The following CRPPA variants were observed in gnomAD, a reference collection of about 807,000 sequenced individuals.
CRPPA encodes the protein D-ribitol-5-phosphate cytidylyltransferase.
CRPPA carries 43 observed loss-of-function variants against 52.0 expected under a neutral mutation model. The observed-to-expected ratio is 0.83, with a 90% CI of 0.65 to 1.07. CRPPA has a LOEUF of 1.07. CRPPA is among the 50% of genes least tolerant of loss of function. The pLI, the probability that CRPPA is intolerant of heterozygous loss-of-function variation, is 0.00. For missense variants in CRPPA, 629 were observed against 551.7 expected (o/e 1.14, Z -1.40); for synonymous variants, 250 against 203.5 (o/e 1.23, Z -1.94).
In CRPPA at chr7:16,421,256, C is replaced by T; in HGVS notation, c.67G>A (p.Gly23Ser). 2 of 1,314,636 alleles carry T rather than the reference C, an allele frequency of 1.5e-6. No individual in the cohort carries two copies. The highest frequency in any genetic ancestry group is 2.0e-6 in the Non-Finnish European group (2 of 1,025,164). The allele number at this position is 1,314,636 out of a possible 1,614,324, so 81.4% of individuals were successfully genotyped here. A position where few individuals can be genotyped will look rare whatever the true frequency, so the allele number is the denominator to read the frequency against. ...EPGPCLSGQR[G>S]ADHTASASLQ... is the part of the protein sequence containing the mutation. Reference sequence around the variant, plus strand: ...GAGGCGGAAGCCGTGTGGTCCGCGCCGCGCTGACCACTCAGGCAAGGACCC... The same window carrying T: ...GAGGCGGAAGCCGTGTGGTCCGCGCTGCGCTGACCACTCAGGCAAGGACCC... The change falls in exon 1 of 10, where the codon GGC becomes AGC. Residue 23 changes from glycine (G) to serine (S), a missense_variant. By Grantham distance (56) the Gly-to-Ser change is moderately conservative. Coordinates refer to ENST00000407010, the MANE Select transcript of CRPPA (RefSeq NM_001101426.4).
At chr7:16,341,921 G>C (rs1785853404) in intron 3 of CRPPA, among the ~76,000 whole-genome samples, 1 of 151,938 alleles carries the variant, frequency 6.6e-6, no homozygotes, top group South Asian at 2.1e-4. Flanking sequence ...TCTTTCTCTA[G>C]TCATTTCTTC....
At chr7:16,156,628 T>C (rs537914278) in intron 9 of CRPPA, among the ~76,000 whole-genome samples, 1 of 152,308 alleles carries the variant, frequency 6.6e-6, no homozygotes, top group South Asian at 2.1e-4. Flanking sequence ...TGTAAAATAA[T>C]AGGTCTACAT....
intron 9 of CRPPA, among the ~76,000 whole-genome samples, chr7:16,153,046 T>C (rs574677120): frequency 1.6e-4 from 24 of 152,206 alleles, no homozygotes; most frequent in Non-Finnish European, 2.4e-4. Context: ...TGGGATTTTC[T>C]ATATTTGGAA....
chr7:16,145,279 G>T, intron 9 of CRPPA, among the ~76,000 whole-genome samples: 1 of 152,164 alleles, frequency 6.6e-6, no homozygotes, highest in East Asian at 1.9e-4. Context: ...TATGAGTGAG[G>T]AACCTGGCAC....
intron 3 of CRPPA, among the ~76,000 whole-genome samples, chr7:16,324,767 T>C (rs1785342752): frequency 6.6e-6 from 1 of 152,228 alleles, no homozygotes; most frequent in Non-Finnish European, 1.5e-5. Context: ...ATTATCTCAA[T>C]AGTGAAGATA....
chr7:16,282,600 T>G (rs567788336), intron 5 of CRPPA, among the ~76,000 whole-genome samples: 1 of 152,220 alleles, frequency 6.6e-6, no homozygotes, highest in East Asian at 1.9e-4. Context: ...TTCCTGTATC[T>G]TTTAAGTTTG....
intron 2 of CRPPA, among the ~76,000 whole-genome samples, chr7:16,395,311 A>G (rs980000725): frequency 2.0e-5 from 3 of 152,208 alleles, no homozygotes; most frequent in Non-Finnish European, 2.9e-5. Flanking sequence ...GCTTTATTGT[A>G]TAATACTATG....
chr7:16,327,217 T>C (rs1331206302), intron 3 of CRPPA, among the ~76,000 whole-genome samples: 1 of 152,138 alleles, frequency 6.6e-6, no homozygotes, highest in African/African-American at 2.4e-5. Context: ...TATCTTCAAG[T>C]AGAACTCAAC....
chr7:16,293,391 C>A (rs980561813), intron 5 of CRPPA, among the ~76,000 whole-genome samples: 3 of 151,974 alleles, frequency 2.0e-5, no homozygotes, highest in African/African-American at 7.2e-5. Flanking sequence ...CTATTGCATT[C>A]TTTGAATCAA....
At chr7:16,256,914 T>C (rs1478322085) in intron 8 of CRPPA, among the ~76,000 whole-genome samples, 2 of 152,028 alleles carry the variant, frequency 1.3e-5, no homozygotes, top group Non-Finnish European at 2.9e-5. Flanking sequence ...AGTATAATTT[T>C]AAAAAAATGT....
intron 2 of CRPPA, among the ~76,000 whole-genome samples, chr7:16,387,068 T>TATATATAC: frequency 1.5e-5 from 1 of 68,754 alleles, no homozygotes; most frequent in Non-Finnish European, 2.7e-5. Flanking sequence ...TATATATATA[T>TATATATAC]ATATATATAT....
chr7:16,123,149 G>C (rs17359183), intron 9 of CRPPA, among the ~76,000 whole-genome samples: 2 of 151,886 alleles, frequency 1.3e-5, no homozygotes, highest in African/African-American at 4.8e-5. Context: ...AAAAAGCTAT[G>C]AGAAATTATA....
intron 9 of CRPPA, among the ~76,000 whole-genome samples, chr7:16,117,917 A>G (rs1007265303): frequency 1.3e-5 from 2 of 152,172 alleles, no homozygotes; most frequent in Non-Finnish European, 1.5e-5. Context: ...TCCTAGAGTG[A>G]CTGTCTCCTA....
At chr7:16,230,385 A>C (rs1296826759) in intron 8 of CRPPA, among the ~76,000 whole-genome samples, 1 of 151,960 alleles carries the variant, frequency 6.6e-6, no homozygotes, top group Admixed American at 6.6e-5. Flanking sequence ...TGCTTGGCCA[A>C]TTCTGCTGTT....
chr7:16,297,933 T>C (rs988507842), intron 5 of CRPPA, among the ~76,000 whole-genome samples: 1 of 152,204 alleles, frequency 6.6e-6, no homozygotes, highest in Non-Finnish European at 1.5e-5. Flanking sequence ...TCTATATCTC[T>C]GTATATCCTG....
chr7:16,115,081 G>T (rs770623247), intron 9 of CRPPA, among the ~76,000 whole-genome samples: 3 of 151,932 alleles, frequency 2.0e-5, no homozygotes, highest in Non-Finnish European at 4.4e-5. Context: ...CAAGCAGGAT[G>T]GGGTAGGGAT....
At chr7:16,143,114 C>T (rs1210732975) in intron 9 of CRPPA, among the ~76,000 whole-genome samples, 1 of 152,146 alleles carries the variant, frequency 6.6e-6, no homozygotes, top group Non-Finnish European at 1.5e-5. Context: ...ACAGAGTAGG[C>T]AGTACCCAAA....
Position 16,087,608 on chromosome 7 carries a change from C to T in CRPPA, c.*4087G>A, listed in dbSNP as rs1423368799. The T allele has an allele frequency of 1.3e-5, 2 of 151,768 alleles. No homozygotes were observed. Among genetic ancestry groups the T allele is most frequent in the Non-Finnish European group, 2.9e-5 (2 of 67,892 alleles). The allele number at this position is 151,768 out of a possible 1,614,324, so 9.4% of individuals were successfully genotyped here. A position where few individuals can be genotyped will look rare whatever the true frequency, so the allele number is the denominator to read the frequency against. On this transcript the variant is annotated 3_prime_UTR_variant, in exon 10 of 10. Coordinates refer to ENST00000407010, the MANE Select transcript of CRPPA (RefSeq NM_001101426.4). Reference sequence around the variant, plus strand: ...ATCTTTATAGTACTTTTCAATGTCACCTTAAAAATATGCATATGCTTCTTA... The same window carrying T: ...ATCTTTATAGTACTTTTCAATGTCATCTTAAAAATATGCATATGCTTCTTA...
chr7:16,213,442 A>AT (rs960491387), intron 9 of CRPPA, among the ~76,000 whole-genome samples: 2 of 151,642 alleles, frequency 1.3e-5, no homozygotes, highest in African/African-American at 4.8e-5. Flanking sequence ...TCTTTTACAA[A>AT]TTTTTTTTTA....
Sources: gnomAD v4.1 joint callset for allele counts (sites outside exome capture counted in the v4.1 genomes callset) on GRCh38, gnomAD v4.1.1 for gene constraint, MANE v1.5 for transcripts, NCBI Gene and HGNC (gene_info 2026-07-23, HGNC 2026-07-21) for gene names.